The following HHAT variants were observed in gnomAD, a reference collection of about 807,000 sequenced individuals.
The protein encoded by HHAT is hedgehog acyltransferase.
HHAT carries 47 observed loss-of-function variants against 70.8 expected under a neutral mutation model. The ratio of observed to expected loss-of-function variants is 0.66; its 90% CI spans 0.53 to 0.85. HHAT has a LOEUF of 0.85. Among genes scored for constraint, HHAT ranks in the 40% least tolerant of loss-of-function variants. The pLI, the probability that HHAT is intolerant of heterozygous loss-of-function variation, is 0.00. For missense variants in HHAT, 609 were observed against 604.8 expected, an observed-to-expected ratio of 1.01 and a Z score of -0.07; for synonymous variants, 228 against 247.6, an observed-to-expected ratio of 0.92 and a Z score of 0.74.
At chr1:210,353,434 G>GTT (rs10541502) in intron 2 of HHAT, among the ~76,000 whole-genome samples, 54 of 114,410 alleles carry the variant, frequency 4.7e-4, no homozygotes, top group South Asian at 3.1e-3. Context: ...GAAGTCACCT[G>GTT]TTTTTTTTTT....
At chr1:210,410,414 G>C (rs2092494517) in intron 6 of HHAT, among the ~76,000 whole-genome samples, 1 of 147,294 alleles carries the variant, frequency 6.8e-6, no homozygotes, top group Admixed American at 6.8e-5. Flanking sequence ...CTGTAATAAT[G>C]ATATGACCCT....
chr1:210,420,385 C>T (rs982517591), intron 7 of HHAT, among the ~76,000 whole-genome samples: 4 of 152,074 alleles, frequency 2.6e-5, no homozygotes, highest in Non-Finnish European at 2.9e-5. Context: ...GTTATTTGTC[C>T]GTTCTACATA....
chr1:210,546,956 A>G (rs1333877760), intron 9 of HHAT, among the ~76,000 whole-genome samples: 1 of 151,446 alleles, frequency 6.6e-6, no homozygotes, highest in East Asian at 2.0e-4. Flanking sequence ...TGGGGCCATC[A>G]CCAGGGCCTC....
chr1:210,388,822 C>T (rs2091262696), intron 4 of HHAT, among the ~76,000 whole-genome samples: 1 of 152,102 alleles, frequency 6.6e-6, no homozygotes, highest in African/African-American at 2.4e-5. Context: ...GTTTTCCCAT[C>T]CATGTGTAAA....
At chr1:210,593,907 A>T (rs1662330361) in intron 10 of HHAT, among the ~76,000 whole-genome samples, 1 of 152,190 alleles carries the variant, frequency 6.6e-6, no homozygotes, top group African/African-American at 2.4e-5. Context: ...CTTTATCATT[A>T]TATAATGATG....
At chr1:210,579,134 C>T (rs1443908525) in intron 9 of HHAT, among the ~76,000 whole-genome samples, 1 of 151,964 alleles carries the variant, frequency 6.6e-6, no homozygotes, top group African/African-American at 2.4e-5. Flanking sequence ...ATGACAGACA[C>T]GGGAGATGGA....
intron 7 of HHAT, among the ~76,000 whole-genome samples, chr1:210,441,779 T>C (rs989454073): frequency 6.6e-6 from 1 of 152,094 alleles, no homozygotes; most frequent in African/African-American, 2.4e-5. Flanking sequence ...AATAAATATA[T>C]ATATAAACAG....
At chr1:210,636,595 C>T (rs555299907) in intron 11 of HHAT, among the ~76,000 whole-genome samples, 5 of 152,214 alleles carry the variant, frequency 3.3e-5, no homozygotes, top group South Asian at 4.2e-4. Flanking sequence ...ACTGTCTTTC[C>T]GGAATGTTGC....
At position 210,587,987 on chromosome 1, in the gene HHAT, G is replaced by A. The variant is rs1350371972; in HGVS notation, c.1133G>A (p.Trp378Ter). ...TAMTFAFVSY[W>*]HGGYDYLWCW... ...ATGACATTTGCATTTGTGAGCTACTGGCATGGCGGCTACGACTACCTCTGG... is the reference window on the plus strand; with the variant it reads ...ATGACATTTGCATTTGTGAGCTACTAGCATGGCGGCTACGACTACCTCTGG... Residue 378 changes from tryptophan (W) to a stop codon, truncating the protein, a stop_gained, in exon 10 of 12, where the codon TGG becomes TAG. Transcript: ENST00000261458. LOFTEE classifies it high-confidence loss of function. 2 of 1,614,134 alleles carry A rather than the reference G, an allele frequency of 1.2e-6. No homozygotes were observed. The highest frequency in any genetic ancestry group is 2.7e-5 in the African/African-American group (2 of 75,046).
intron 9 of HHAT, among the ~76,000 whole-genome samples, chr1:210,537,046 C>T (rs1187152764): frequency 6.6e-6 from 1 of 151,650 alleles, no homozygotes; most frequent in Non-Finnish European, 1.5e-5. Context: ...AAAAAGGTGG[C>T]TATAGGGCTT....
intron 8 of HHAT, among the ~76,000 whole-genome samples, chr1:210,494,542 CTTTTTTTTTT>C (rs71146226): frequency 0.26 from 21,766 of 83,074 alleles, 2,192 homozygotes; most frequent in African/African-American, 0.32. Flanking sequence ...TTTGAAATAG[CTTTTTTTTTT>C]TTTTTTTTTT....
intron 7 of HHAT, among the ~76,000 whole-genome samples, chr1:210,422,814 T>C (rs900338879): frequency 6.6e-6 from 1 of 152,156 alleles, no homozygotes; most frequent in African/African-American, 2.4e-5. Context: ...TTTTTATATT[T>C]TTAGTAGAGA....
At chr1:210,446,344 G>A (rs1265879916) in intron 7 of HHAT, among the ~76,000 whole-genome samples, 1 of 152,174 alleles carries the variant, frequency 6.6e-6, no homozygotes, top group East Asian at 1.9e-4. Flanking sequence ...TTTCAAATAT[G>A]TTCTTCCTGT....
chr1:210,605,240 C>T (rs1006431899), intron 10 of HHAT, among the ~76,000 whole-genome samples: 2 of 152,144 alleles, frequency 1.3e-5, no homozygotes, highest in African/African-American at 4.8e-5. Context: ...GATAGGGAAA[C>T]GGGAGACTGG....
intron 6 of HHAT, among the ~76,000 whole-genome samples, chr1:210,410,122 G>A (rs1394927607): frequency 1.3e-5 from 2 of 151,452 alleles, no homozygotes; most frequent in Non-Finnish European, 2.9e-5. Flanking sequence ...CTGCGATCTT[G>A]GCTCACTGCA....
intron 8 of HHAT, among the ~76,000 whole-genome samples, chr1:210,498,701 A>G (rs945715475): frequency 2.8e-4 from 42 of 152,070 alleles, no homozygotes; most frequent in African/African-American, 9.7e-4. Context: ...AACTGTTGGC[A>G]TAGTGGATTA....
chr1:210,526,369 T>A (rs915736505), intron 9 of HHAT, among the ~76,000 whole-genome samples: 1 of 32,158 alleles, frequency 3.1e-5, no homozygotes, highest in Non-Finnish European at 6.6e-5. Context: ...TGGGTTCTGT[T>A]TTTTTTTTTG....
intron 1 of HHAT, among the ~76,000 whole-genome samples, chr1:210,337,944 G>A (rs1047916030): frequency 2.0e-5 from 3 of 152,208 alleles, no homozygotes; most frequent in Admixed American, 1.3e-4. Context: ...GATATTATTT[G>A]AGTGCAGTTT....
At chr1:210,555,754 T>C (rs1200595031) in intron 9 of HHAT, among the ~76,000 whole-genome samples, 2 of 152,172 alleles carry the variant, frequency 1.3e-5, no homozygotes, top group African/African-American at 4.8e-5. Context: ...ACAGAAATGG[T>C]GCCCATCAAA....
Sources: gnomAD v4.1 joint callset for allele counts (sites outside exome capture counted in the v4.1 genomes callset) on GRCh38, gnomAD v4.1.1 for gene constraint, MANE v1.5 for transcripts, NCBI Gene and HGNC (gene_info 2026-07-23, HGNC 2026-07-21) for gene names.